RYR3: variants seen among roughly 807,000 people sequenced by gnomAD.
RYR3 encodes the protein ryanodine receptor 3.
RYR3 carries 207 observed loss-of-function variants against 584.3 expected under a neutral mutation model. The ratio of observed to expected loss-of-function variants is 0.35; its 90% confidence interval spans 0.32 to 0.40. The LOEUF (loss-of-function observed/expected upper bound fraction) is 0.40. RYR3 is among the 10% of genes least tolerant of loss of function. RYR3 has a pLI of 1.00. For missense variants in RYR3, 5,616 were observed against 6,089.2 expected (o/e 0.92, Z 2.59); for synonymous variants, 2,416 against 2,248.5 (o/e 1.07, Z -2.11).
At chr15:33,394,746 A>G (rs1314866388) in intron 1 of RYR3, among the ~76,000 whole-genome samples, 1 of 152,188 alleles carries the variant, frequency 6.6e-6, no homozygotes, top group Admixed American at 6.5e-5. Context: ...CCAACCAAAC[A>G]TGTGCTGATT....
At chr15:33,693,807 G>C (rs2077136473) in intron 38 of RYR3, among the ~76,000 whole-genome samples, 1 of 152,202 alleles carries the variant, frequency 6.6e-6, no homozygotes, top group African/African-American at 2.4e-5. Flanking sequence ...CAGAGGATGA[G>C]TTTGGACAAG....
chr15:33,363,547 A>G (rs1390216356), intron 1 of RYR3, among the ~76,000 whole-genome samples: 1 of 152,166 alleles, frequency 6.6e-6, no homozygotes, highest in Non-Finnish European at 1.5e-5. Context: ...TATTTTAAAA[A>G]ACCCTATTTT....
chr15:33,658,519 G>A (rs970313291), intron 32 of RYR3, among the ~76,000 whole-genome samples: 3 of 152,232 alleles, frequency 2.0e-5, no homozygotes, highest in Admixed American at 6.5e-5. Context: ...CTAGGGGAAT[G>A]ATGACCCATT....
intron 8 of RYR3, among the ~76,000 whole-genome samples, chr15:33,544,851 A>T (rs1413785827): frequency 2.1e-5 from 3 of 142,764 alleles, no homozygotes; most frequent in Admixed American, 1.5e-4. Flanking sequence ...CCTCCCTGGC[A>T]CTGGTCCGGC....
At chr15:33,499,702 A>G (rs1231432828) in intron 2 of RYR3, among the ~76,000 whole-genome samples, 1 of 152,206 alleles carries the variant, frequency 6.6e-6, no homozygotes, top group Admixed American at 6.5e-5. Context: ...CATTATACAG[A>G]TAAGGAAACA....
At chr15:33,796,796 C>T (rs980511290) in intron 67 of RYR3, among the ~76,000 whole-genome samples, 1 of 152,188 alleles carries the variant, frequency 6.6e-6, no homozygotes, top group Non-Finnish European at 1.5e-5. Flanking sequence ...AAGATACTTG[C>T]ACTCATATGT....
intron 2 of RYR3, among the ~76,000 whole-genome samples, chr15:33,497,571 T>C (rs1028237129): frequency 6.6e-6 from 1 of 152,186 alleles, no homozygotes; most frequent in Admixed American, 6.6e-5. Context: ...CCTAGCCCTC[T>C]TTATCTGTCT....
chr15:33,705,173 C>G (rs577998235), intron 42 of RYR3, among the ~76,000 whole-genome samples: 1 of 150,398 alleles, frequency 6.6e-6, no homozygotes, highest in African/African-American at 2.5e-5. Context: ...ATGTCTGCAC[C>G]TGCAATCTTG....
At chr15:33,698,594 T>C (rs1368997692) in intron 40 of RYR3, among the ~76,000 whole-genome samples, 1 of 151,148 alleles carries the variant, frequency 6.6e-6, no homozygotes, top group Non-Finnish European at 1.5e-5. Context: ...AGATCGGGTA[T>C]GGCTTCAAAT....
chr15:33,375,989 G>A (rs1158476463), intron 1 of RYR3, among the ~76,000 whole-genome samples: 3 of 152,166 alleles, frequency 2.0e-5, no homozygotes, highest in Non-Finnish European at 2.9e-5. Context: ...GCGTGAACCC[G>A]GGAGGCGGAG....
At chr15:33,320,071 A>G (rs1414509483) in intron 1 of RYR3, among the ~76,000 whole-genome samples, 1 of 152,230 alleles carries the variant, frequency 6.6e-6, no homozygotes, top group African/African-American at 2.4e-5. Context: ...ACACATCTGC[A>G]GCAAGATTCT....
intron 36 of RYR3, among the ~76,000 whole-genome samples, chr15:33,668,458 A>T (rs1358817461): frequency 2.6e-5 from 4 of 152,142 alleles, no homozygotes; most frequent in Admixed American, 6.5e-5. Context: ...CAAATTTTTT[A>T]AAGATAATTA....
intron 10 of RYR3, among the ~76,000 whole-genome samples, chr15:33,557,355 G>A (rs1418457179): frequency 6.6e-6 from 1 of 152,144 alleles, no homozygotes; most frequent in Non-Finnish European, 1.5e-5. Flanking sequence ...CCAGACCGGG[G>A]CAACTATTGG....
chr15:33,742,563 G>A (rs2070258721), intron 52 of RYR3, 119 bp downstream of exon 52: 1 of 703,640 alleles, frequency 1.4e-6, no homozygotes, highest in East Asian at 2.7e-5. Context: ...CATGCCGAGA[G>A]CATTCATTAT....
chr15:33,499,212 C>A (rs1226125128), intron 2 of RYR3, among the ~76,000 whole-genome samples: 1 of 150,544 alleles, frequency 6.6e-6, no homozygotes, highest in Non-Finnish European at 1.5e-5. Context: ...CCCTGCCTCT[C>A]CTCCTCTCTC....
chr15:33,404,587 G>GTTTTTTTTTTTTTTTTTT (rs1314769832), intron 1 of RYR3, among the ~76,000 whole-genome samples: 1 of 130,890 alleles, frequency 7.6e-6, no homozygotes, highest in African/African-American at 3.3e-5. Flanking sequence ...TTACTACTGT[G>GTTTTTTTTTTTTTTTTTT]TGTTTTTTTT....
intron 1 of RYR3, among the ~76,000 whole-genome samples, chr15:33,408,159 C>T (rs951437492): frequency 3.3e-5 from 5 of 152,124 alleles, no homozygotes; most frequent in African/African-American, 1.2e-4. Flanking sequence ...TTAAGCTCTT[C>T]CCGCACCCCC....
chr15:33,633,955 A>G (rs1422547152), intron 24 of RYR3, among the ~76,000 whole-genome samples: 1 of 152,130 alleles, frequency 6.6e-6, no homozygotes, highest in African/African-American at 2.4e-5. Context: ...CATTATACAA[A>G]TCTCCAGCTG....
rs1566808408 is a variant in RYR3, at chr15:33,624,028, G to T, written c.2574+5G>T. ...TGCCCCGTAGACACCAGTCAGGTAG[G>T]TTCAAATTGCCCGCAGAAGGCAACC... On this transcript the variant is annotated splice_donor_5th_base_variant and intron_variant, in intron 20 of 103. Coordinates refer to ENST00000634891, the MANE Select transcript of RYR3 (RefSeq NM_001036.6). The T allele has an allele frequency of 8.1e-6, 13 of 1,608,528 alleles. No individual in the cohort carries two copies. The highest frequency in any genetic ancestry group is 1.1e-5 in the Non-Finnish European group (13 of 1,175,822).
Sources: allele counts gnomAD v4.1 joint callset (sites outside exome capture counted in the v4.1 genomes callset), GRCh38; gene constraint gnomAD v4.1.1; transcripts MANE v1.5; gene names NCBI Gene and HGNC (gene_info 2026-07-23, HGNC 2026-07-21).